HDAC11: variants seen among roughly 807,000 people sequenced by gnomAD.
HDAC11 encodes histone deacetylase 11.
A neutral mutation model predicts 41.1 loss-of-function variants in HDAC11; 23 were observed. That is an observed-to-expected ratio of 0.56 (90% confidence interval 0.40 to 0.79). The LOEUF (loss-of-function observed/expected upper bound fraction) is 0.79. Among genes scored for constraint, HDAC11 ranks in the 30% least tolerant of loss-of-function variants. HDAC11 has a pLI of 0.00. For synonymous variants in HDAC11, 187 were observed against 186.6 expected, an observed-to-expected ratio of 1.00 and a Z score of -0.02; for missense variants, 402 against 477.3, an observed-to-expected ratio of 0.84 and a Z score of 1.47.
Position 13,504,843 on chromosome 3 carries a change from G to T in HDAC11, c.*160G>T. On this transcript the variant is annotated 3_prime_UTR_variant, in exon 10 of 10. Transcript: ENST00000295757. ...GCTGGCCCTTCCTCTACTTTTCCCT[G>T]CTGGAAGCCAGAAGGGCTTGAGGCC... The T allele has an allele frequency of 1.5e-6, 1 of 678,460 alleles. No individual in the cohort carries two copies. The highest frequency in any genetic ancestry group is 2.5e-6 in the Non-Finnish European group (1 of 396,714). 42.0% of individuals were successfully genotyped at this position (678,460 alleles called of 1,614,324 possible).
intron 3 of HDAC11, among the ~76,000 whole-genome samples, chr3:13,494,532 G>C (rs1702006221): frequency 6.6e-6 from 1 of 152,122 alleles, no homozygotes; most frequent in African/African-American, 2.4e-5. Context: ...TCCTGCAGCT[G>C]TCTGGCTGTG....
In HDAC11 at chr3:13,491,106, G is replaced by GTGTGTGTC. The variant is rs57437415; in HGVS notation, c.253-5623_253-5622insCTGTGTGT. Among the ~76,000 whole-genome samples, 1,018 of 145,670 alleles carry GTGTGTGTC rather than the reference G, an allele frequency of 7.0e-3. 13 individuals carry two copies. The highest frequency in any genetic ancestry group is 0.026 in the African/African-American group (952 of 37,302). The stretch of plus-strand genomic sequence containing the variant: ...TGTGTGTGTGTGTGTGTGTGTGTGT[G>GTGTGTGTC]TGTGTGTATTCTTTAGGATCCTCTA... On this transcript the variant is annotated intron_variant, in intron 3 of 9. Transcript: ENST00000295757.
intron 3 of HDAC11, among the ~76,000 whole-genome samples, chr3:13,488,698 T>C (rs890410608): frequency 1.3e-5 from 2 of 152,196 alleles, no homozygotes; most frequent in African/African-American, 4.8e-5. Context: ...CTATTGTGAG[T>C]AGTGTTGCTG....
At chr3:13,489,694 G>A (rs572583491) in intron 3 of HDAC11, among the ~76,000 whole-genome samples, 1 of 152,272 alleles carries the variant, frequency 6.6e-6, no homozygotes, top group South Asian at 2.1e-4. Flanking sequence ...AGCCTCCCAG[G>A]TAGCTGGGAC....
At chr3:13,485,425 AG>A (rs1701513320) in intron 3 of HDAC11, among the ~76,000 whole-genome samples, 1 of 152,102 alleles carries the variant, frequency 6.6e-6, no homozygotes, top group Admixed American at 6.5e-5. Context: ...CCCGAGGGTG[AG>A]GGGAAGGAAG....
chr3:13,482,082 T>C (rs949559007), intron 2 of HDAC11, among the ~76,000 whole-genome samples: 2 of 152,160 alleles, frequency 1.3e-5, no homozygotes, highest in Admixed American at 6.6e-5. Flanking sequence ...ACAGCTCCCA[T>C]TAGTGGCTGA....
intron 8 of HDAC11, among the ~76,000 whole-genome samples, chr3:13,503,748 G>C (rs1451842781): frequency 6.6e-6 from 1 of 152,160 alleles, no homozygotes; most frequent in Non-Finnish European, 1.5e-5. Flanking sequence ...ATGGCCCAAG[G>C]AACCAATTTC....
chr3:13,495,309 T>C (rs1318000380), intron 3 of HDAC11, among the ~76,000 whole-genome samples: 4 of 151,996 alleles, frequency 2.6e-5, no homozygotes, highest in Non-Finnish European at 4.4e-5. Flanking sequence ...CTCCCACCCC[T>C]GTTCTGAGCT....
At chr3:13,500,179 T>C (rs1702289196) in intron 5 of HDAC11, among the ~76,000 whole-genome samples, 1 of 152,060 alleles carries the variant, frequency 6.6e-6, no homozygotes, top group Admixed American at 6.5e-5. Context: ...GCCTCTGCAA[T>C]TCAGGCCATC....
chr3:13,484,118 T>C (rs1017724429), intron 3 of HDAC11, among the ~76,000 whole-genome samples: 1 of 152,068 alleles, frequency 6.6e-6, no homozygotes, highest in East Asian at 1.9e-4. Context: ...CGTGCCACCA[T>C]GCCTGGCTAA....
chr3:13,492,334 C>T (rs1050126107), intron 3 of HDAC11, among the ~76,000 whole-genome samples: 2 of 152,202 alleles, frequency 1.3e-5, no homozygotes, highest in Non-Finnish European at 2.9e-5. Flanking sequence ...AAAAGGGGAT[C>T]AACGGCATGC....
At chr3:13,500,021 T>G (rs574137567) in intron 5 of HDAC11, among the ~76,000 whole-genome samples, 7 of 152,182 alleles carry the variant, frequency 4.6e-5, no homozygotes, top group Admixed American at 3.9e-4. Flanking sequence ...GCAAGCTCAG[T>G]TGCTCAGTCA....
At chr3:13,496,891 C>G in intron 4 of HDAC11, 39 bp downstream of exon 4, 1 of 1,227,310 alleles carries the variant, frequency 8.1e-7, no homozygotes, top group East Asian at 2.7e-5. Context: ...CTGGGGGCCC[C>G]CACACCCCAG....
At chr3:13,500,672 G>C (rs1559380043) in intron 5 of HDAC11, 41 bp from the exon 6 acceptor site, 1 of 1,508,098 alleles carries the variant, frequency 6.6e-7, no homozygotes, top group Middle Eastern at 2.2e-4. Flanking sequence ...CTGAGCCTGG[G>C]AGCCTGGCTC....
Position 13,502,268 on chromosome 3 carries a change from A to G in HDAC11, c.552+335A>G, listed in dbSNP as rs539169151. ...ATTTGGGGCACTGCCCCCTGCCCAG[A>G]GCTGCTGAGCACTGGCCACCTGCCC... On this transcript the variant is annotated intron_variant, in intron 7 of 9. Transcript: ENST00000295757. This position sits in a 1 kb window ranked among gnomAD's most constrained non-coding sequence, Gnocchi z 4.1. The G allele has an allele frequency of 1.2e-4, 36 of 292,892 alleles. No homozygotes were observed. The highest frequency in any genetic ancestry group is 7.3e-4 in the African/African-American group (34 of 46,478). 18.1% of individuals were successfully genotyped at this position (292,892 alleles called of 1,614,324 possible).
chr3:13,495,554 T>A (rs2733168), intron 3 of HDAC11, among the ~76,000 whole-genome samples: 4 of 152,046 alleles, frequency 2.6e-5, no homozygotes, highest in African/African-American at 9.7e-5. Context: ...ATGCTTCCTC[T>A]CTAGGGCTGC....
intron 8 of HDAC11, 92 bp from the exon 9 acceptor site, chr3:13,504,002 C>A: frequency 8.3e-7 from 1 of 1,207,984 alleles, no homozygotes; most frequent in Non-Finnish European, 1.2e-6. Flanking sequence ...ATCTGACAGA[C>A]CAGTTTCCAG....
In HDAC11 at chr3:13,501,886, G is replaced by C; in HGVS notation, c.505G>C (p.Val169Leu). 6.2e-7 allele frequency: 1 copy of C among 1,614,022 alleles called. No homozygotes were observed. The highest frequency in any genetic ancestry group is 8.5e-7 in the Non-Finnish European group (1 of 1,179,968). The change falls in exon 7 of 10, where the codon GTG (valine) becomes CTG (leucine). Residue 169 changes from valine (V) to leucine (L), a missense_variant. Transcript: ENST00000295757. ...TCCCTGGCAGTTTCTGTTTGAGCGT[G>C]TGGAGGGCATCTCCAGGGCTACCAT... ...TLAIKFLFER[V>L]EGISRATIID...
At chr3:13,486,757 T>C (rs1276357707) in intron 3 of HDAC11, among the ~76,000 whole-genome samples, 1 of 152,032 alleles carries the variant, frequency 6.6e-6, no homozygotes, top group Non-Finnish European at 1.5e-5. Flanking sequence ...TTTGTATTTT[T>C]AGTAGAGACG....
Sources: allele counts gnomAD v4.1 joint callset (sites outside exome capture counted in the v4.1 genomes callset), GRCh38; gene constraint gnomAD v4.1.1; non-coding constraint Gnocchi (gnomAD v3.1); transcripts MANE v1.5; gene names NCBI Gene and HGNC (gene_info 2026-07-23, HGNC 2026-07-21).